EHF: variants seen among roughly 807,000 people sequenced by gnomAD.
EHF encodes ESE3 transcription factor.
Under a neutral mutation model 45.1 loss-of-function variants are expected in EHF, and 14 were observed. The ratio of observed to expected loss-of-function variants is 0.31; its 90% confidence interval spans 0.21 to 0.49. The LOEUF is 0.49. EHF is among the 20% of genes least tolerant of loss of function. The pLI, the probability that EHF is intolerant of heterozygous loss-of-function variation, is 0.99. For missense variants in EHF, 282 were observed against 371.4 expected (o/e 0.76, Z 1.98); for synonymous variants, 136 against 131.8 (o/e 1.03, Z -0.22).
intron 1 of EHF, among the ~76,000 whole-genome samples, chr11:34,636,232 G>A (rs921170088): frequency 6.6e-6 from 1 of 152,156 alleles, no homozygotes; most frequent in African/African-American, 2.4e-5. Flanking sequence ...TCATTTCATT[G>A]TTGTCTTTCG....
chr11:34,651,628 ACTTAAGGCCC>A lies in EHF; in HGVS notation c.475+19_475+28del. The A allele has an allele frequency of 1.2e-6, 2 of 1,611,620 alleles. No individual in the cohort carries two copies. The highest frequency in any genetic ancestry group is 1.7e-6 in the Non-Finnish European group (2 of 1,177,784). The stretch of plus-strand genomic sequence containing the variant: ...CACAGTAGGTAACTAACTCCCTGAC[ACTTAAGGCCC>A]TTTACATTCTTATTCAGTTTGTCTA... On this transcript the variant is annotated intron_variant, in intron 5 of 8. Transcript: ENST00000257831.
chr11:34,627,412 G>A (rs1006704200), intron 1 of EHF, among the ~76,000 whole-genome samples: 3 of 152,010 alleles, frequency 2.0e-5, no homozygotes, highest in African/African-American at 7.3e-5. Context: ...TCTCCTCCAG[G>A]CAGTTCACAT....
At chr11:34,631,626 G>T in intron 1 of EHF, 1 of 962,692 alleles carries the variant, frequency 1.0e-6, no homozygotes, top group South Asian at 4.8e-5. Context: ...GCCCGATTTT[G>T]AGGTAGGTGT....
intron 4 of EHF, 84 bp downstream of exon 4, chr11:34,649,165 G>T (rs1163105382): frequency 6.9e-7 from 1 of 1,448,400 alleles, no homozygotes; most frequent in Non-Finnish European, 9.6e-7. Flanking sequence ...AGAGAATGTG[G>T]GGGCAAGTTT....
At chr11:34,625,391 A>G (rs972005605) in intron 1 of EHF, among the ~76,000 whole-genome samples, 1 of 152,210 alleles carries the variant, frequency 6.6e-6, no homozygotes, top group African/African-American at 2.4e-5. Flanking sequence ...AAAACGCCAA[A>G]GCAGCCCGCC....
intron 1 of EHF, among the ~76,000 whole-genome samples, chr11:34,625,821 A>G (rs1852330601): frequency 6.6e-6 from 1 of 150,874 alleles, no homozygotes; most frequent in Admixed American, 6.6e-5. Context: ...TCCTCCTCCA[A>G]TCTCACCACA....
Position 34,643,068 on chromosome 11 carries a change from A to ATGTGTGTGTG in EHF, c.97+361_97+370dup, listed in dbSNP as rs780809590. Reference sequence around the variant, plus strand: ...CAAGATAGGCTAGGAGAGAAAGGGTATGTGTGTGTGTGTGTGTGTGTGTGT... The same window carrying ATGTGTGTGTG: ...CAAGATAGGCTAGGAGAGAAAGGGTATGTGTGTGTGTGTGTGTGTGTGTGTGTGTGTGTGT... On this transcript the variant is annotated intron_variant, in intron 2 of 8. Transcript: ENST00000257831. Among the ~76,000 whole-genome samples, 214 of 144,974 alleles carry ATGTGTGTGTG rather than the reference A, an allele frequency of 1.5e-3. 1 individual carries two copies. The highest frequency in any genetic ancestry group is 5.2e-3 in the African/African-American group (207 of 39,590).
chr11:34,629,145 G>A (rs771677186), intron 1 of EHF, among the ~76,000 whole-genome samples: 5 of 152,198 alleles, frequency 3.3e-5, no homozygotes, highest in African/African-American at 4.8e-5. Context: ...TGAGGAGGGA[G>A]GATGTCGTTT....
intron 6 of EHF, among the ~76,000 whole-genome samples, chr11:34,655,223 G>A (rs1296499655): frequency 6.6e-6 from 1 of 152,140 alleles, no homozygotes; most frequent in East Asian, 1.9e-4. Flanking sequence ...GAGGTTTCTT[G>A]TTTACTGAGG....
At position 34,659,306 on chromosome 11, in the gene EHF, G is replaced by T. The variant is rs286889; in HGVS notation, c.*375G>T. ...AGAGGGCATTAAATGTTTTGTATGT[G>T]ACATGATTTAGAAAAAGGTGATGCA... On this transcript the variant is annotated 3_prime_UTR_variant, in exon 9 of 9. Coordinates refer to ENST00000257831, the MANE Select transcript of EHF (RefSeq NM_012153.6). 49,008 of 167,566 alleles carry T rather than the reference G, an allele frequency of 0.29. 7,588 individuals are homozygous for T. The highest frequency in any genetic ancestry group is 0.55 in the East Asian group (3,066 of 5,620). The allele number at this position is 167,566 out of a possible 1,614,324, so 10.4% of individuals were successfully genotyped here. A position where few individuals can be genotyped will look rare whatever the true frequency, so the allele number is the denominator to read the frequency against.
intron 6 of EHF, among the ~76,000 whole-genome samples, chr11:34,656,527 C>G (rs1481371367): frequency 6.6e-6 from 1 of 152,110 alleles, no homozygotes; most frequent in East Asian, 1.9e-4. Context: ...CTGCCTCTTA[C>G]AGCATGCATA....
intron 1 of EHF, chr11:34,624,253 G>A (rs1590393684): frequency 1.0e-6 from 1 of 985,352 alleles, no homozygotes; most frequent in East Asian, 1.1e-4. Flanking sequence ...GGTGTCTAGA[G>A]ACCACATTCT....
rs1426926322 is a variant in EHF, at chr11:34,660,017, C to A, written c.*1086C>A. On this transcript the variant is annotated 3_prime_UTR_variant, in exon 9 of 9. Transcript: ENST00000257831. ...ATTGAGAACCACCAGTTTAGCTAGT[C>A]AATATGAGGATGGTGGTTTATTCTC... The A allele has an allele frequency of 6.6e-6, 1 of 152,052 alleles. No individual in the cohort carries two copies. The highest frequency in any genetic ancestry group is 1.9e-4 in the East Asian group (1 of 5,192). 9.4% of individuals were successfully genotyped at this position (152,052 alleles called of 1,614,324 possible). A position where few individuals can be genotyped will look rare whatever the true frequency, so the allele number is the denominator to read the frequency against.
intron 3 of EHF, chr11:34,646,939 A>G (rs1854608543): frequency 1.9e-6 from 1 of 523,740 alleles, no homozygotes; most frequent in East Asian, 3.3e-5. Flanking sequence ...TCAAGAAGAC[A>G]AAAGCTGGCT....
At position 34,662,494 on chromosome 11, in the gene EHF, A is replaced by G. The variant is rs1253444595; in HGVS notation, c.*3563A>G. 6.6e-6 allele frequency among the ~76,000 whole-genome samples: 1 copy of G among 152,106 alleles called. No homozygotes were observed. Among genetic ancestry groups the G allele is most frequent in the Non-Finnish European group, 1.5e-5 (1 of 68,000 alleles). On this transcript the variant is annotated 3_prime_UTR_variant, in exon 9 of 9. Transcript: ENST00000257831. ...CTTTGACCTGTTTTAACCAATGAAG[A>G]TTATGAATATGTTAATATGATGTAA...
At chr11:34,639,954 A>G (rs1451900997) in intron 1 of EHF, among the ~76,000 whole-genome samples, 1 of 151,332 alleles carries the variant, frequency 6.6e-6, no homozygotes, top group Non-Finnish European at 1.5e-5. Context: ...CCCTGAGGAG[A>G]GGGGCTTGTG....
Position 34,659,050 on chromosome 11 carries a change from AC to A in EHF, c.*120del. On this transcript the variant is annotated 3_prime_UTR_variant, in exon 9 of 9. Coordinates refer to ENST00000257831, the MANE Select transcript of EHF (RefSeq NM_012153.6). Reference sequence around the variant, plus strand: ...CTGATATTTATGTACCATGAGGGGAACAAGAAACTACTTCTAACGGGAAGAA... The same window carrying A: ...CTGATATTTATGTACCATGAGGGGAAAAGAAACTACTTCTAACGGGAAGAA... 1.4e-6 allele frequency: 1 copy of A among 740,562 alleles called. No individual in the cohort carries two copies. The allele number at this position is 740,562 out of a possible 1,614,324, so 45.9% of individuals were successfully genotyped here.
chr11:34,657,079 C>A, intron 7 of EHF, 109 bp downstream of exon 7: 1 of 1,299,792 alleles, frequency 7.7e-7, no homozygotes, highest in Non-Finnish European at 1.1e-6. Context: ...GCCTTCATGT[C>A]TTCATCCCAA....
At chr11:34,632,689 C>T in intron 1 of EHF, 1 of 1,533,706 alleles carries the variant, frequency 6.5e-7, no homozygotes, top group Non-Finnish European at 8.7e-7. Context: ...GGTTGCCCGG[C>T]TCTCTCTGCT....
Sources: allele counts gnomAD v4.1 joint callset (sites outside exome capture counted in the v4.1 genomes callset), GRCh38; gene constraint gnomAD v4.1.1; transcripts MANE v1.5; gene names NCBI Gene and HGNC (gene_info 2026-07-23, HGNC 2026-07-21).